FGGY: variants seen among roughly 807,000 people sequenced by gnomAD.
FGGY encodes FGGY carbohydrate kinase domain containing.
A neutral mutation model predicts 71.3 loss-of-function variants in FGGY; 72 were observed. That is an observed-to-expected ratio of 1.01 (90% CI 0.84 to 1.23). The LOEUF is 1.23. Among genes scored for constraint, FGGY ranks in the 50% most tolerant of loss-of-function variants. The pLI is 0.00. For missense variants in FGGY, 668 were observed against 682.3 expected, an observed-to-expected ratio of 0.98 and a Z score of 0.23; for synonymous variants, 251 against 250.3, an observed-to-expected ratio of 1.00 and a Z score of -0.02.
intron 6 of FGGY, among the ~76,000 whole-genome samples, chr1:59,484,200 C>G (rs944758100): frequency 1.4e-4 from 22 of 152,186 alleles, no homozygotes; most frequent in Non-Finnish European, 2.9e-4. Context: ...TCCAAAATCT[C>G]ATGCTTTTTA....
intron 5 of FGGY, among the ~76,000 whole-genome samples, chr1:59,451,801 T>C (rs879682092): frequency 1.3e-5 from 2 of 152,152 alleles, no homozygotes; most frequent in African/African-American, 2.4e-5. Context: ...AATCAGTTTC[T>C]CGTAATAGTT....
intron 14 of FGGY, among the ~76,000 whole-genome samples, chr1:59,691,724 T>C (rs1471987396): frequency 6.6e-6 from 1 of 151,982 alleles, no homozygotes; most frequent in Admixed American, 6.6e-5. Context: ...TGAATTCTTC[T>C]TGGTACTTAC....
intron 14 of FGGY, among the ~76,000 whole-genome samples, chr1:59,736,555 G>A (rs112078228): frequency 0.01 from 1,550 of 152,246 alleles, 33 homozygotes; most frequent in African/African-American, 0.035. Context: ...CTCTTGTTAC[G>A]TTTCAGCAAA....
intron 6 of FGGY, among the ~76,000 whole-genome samples, chr1:59,504,920 A>T (rs2094337909): frequency 6.6e-6 from 1 of 152,240 alleles, no homozygotes; most frequent in African/African-American, 2.4e-5. Context: ...CTGAGAACTT[A>T]TGTTCTAGAC....
chr1:59,524,258 C>T (rs887002185), intron 7 of FGGY, among the ~76,000 whole-genome samples: 14 of 152,318 alleles, frequency 9.2e-5, no homozygotes, highest in African/African-American at 2.4e-4. Flanking sequence ...GGACCTTGGG[C>T]GCCAACGAGC....
At chr1:59,568,299 A>T in intron 8 of FGGY, among the ~76,000 whole-genome samples, 1 of 152,132 alleles carries the variant, frequency 6.6e-6, no homozygotes, top group Non-Finnish European at 1.5e-5. Context: ...TCTTGAAAAG[A>T]GCCTGTGCTC....
At chr1:59,504,514 G>A (rs534714367) in intron 6 of FGGY, among the ~76,000 whole-genome samples, 71 of 152,314 alleles carry the variant, frequency 4.7e-4, no homozygotes, top group African/African-American at 1.7e-3. Context: ...TCCAGCTGGC[G>A]TCTGCTACAG....
chr1:59,713,093 G>A (rs1334486895), intron 14 of FGGY, among the ~76,000 whole-genome samples: 1 of 152,102 alleles, frequency 6.6e-6, no homozygotes, highest in Non-Finnish European at 1.5e-5. Context: ...CAAGTTCAAG[G>A]TTTTACAAAT....
intron 8 of FGGY, among the ~76,000 whole-genome samples, chr1:59,565,583 C>G (rs977031091): frequency 2.0e-5 from 3 of 152,134 alleles, no homozygotes; most frequent in African/African-American, 4.8e-5. Flanking sequence ...CGCGCCTGGC[C>G]GTAAGTCTTA....
chr1:59,605,739 T>C (rs2153814653), intron 8 of FGGY, among the ~76,000 whole-genome samples: 1 of 152,286 alleles, frequency 6.6e-6, no homozygotes, highest in Admixed American at 6.5e-5. Flanking sequence ...ATCACTTGTT[T>C]AGTAAAGAGA....
chr1:59,455,187 G>A (rs2091563872), intron 5 of FGGY, among the ~76,000 whole-genome samples: 1 of 152,164 alleles, frequency 6.6e-6, no homozygotes, highest in Non-Finnish European at 1.5e-5. Context: ...GAAATGAATG[G>A]GCAAAGACAG....
intron 14 of FGGY, among the ~76,000 whole-genome samples, chr1:59,722,143 T>C (rs1014145079): frequency 4.6e-5 from 7 of 151,236 alleles, no homozygotes; most frequent in South Asian, 2.1e-4. Flanking sequence ...CTTTGTAGTA[T>C]GTCCTTCAGT....
chr1:59,419,505 C>T (rs2065046886), intron 5 of FGGY, among the ~76,000 whole-genome samples: 1 of 152,122 alleles, frequency 6.6e-6, no homozygotes, highest in South Asian at 2.1e-4. Flanking sequence ...CCAGGGGAAT[C>T]ACCCTGGAAA....
At chr1:59,426,154 G>T (rs2066331352) in intron 5 of FGGY, among the ~76,000 whole-genome samples, 1 of 152,160 alleles carries the variant, frequency 6.6e-6, no homozygotes, top group African/African-American at 2.4e-5. Context: ...TTCTACCTGA[G>T]CTTCCAGCAC....
chr1:59,492,288 A>T (rs1312535393), intron 6 of FGGY, among the ~76,000 whole-genome samples: 1 of 152,140 alleles, frequency 6.6e-6, no homozygotes, highest in East Asian at 1.9e-4. Flanking sequence ...GGCTCTCTTC[A>T]GATGATAAGG....
intron 8 of FGGY, among the ~76,000 whole-genome samples, chr1:59,603,613 T>C (rs1213398212): frequency 6.6e-6 from 1 of 152,208 alleles, no homozygotes; most frequent in Non-Finnish European, 1.5e-5. Context: ...AAGGCTACCT[T>C]ACGTAAGATC....
intron 13 of FGGY, among the ~76,000 whole-genome samples, chr1:59,670,344 T>C (rs919651999): frequency 1.3e-5 from 2 of 152,234 alleles, no homozygotes; most frequent in African/African-American, 4.8e-5. Flanking sequence ...AAACATTGTA[T>C]TGCTCTAGTT....
intron 8 of FGGY, among the ~76,000 whole-genome samples, chr1:59,576,055 T>C (rs2096070222): frequency 6.6e-6 from 1 of 152,186 alleles, no homozygotes; most frequent in Non-Finnish European, 1.5e-5. Flanking sequence ...CCTCTGGTAT[T>C]ATGCTGAACA....
At chr1:59,353,167 G>A (rs142415845) in intron 4 of FGGY, among the ~76,000 whole-genome samples, 138 of 152,244 alleles carry the variant, frequency 9.1e-4, no homozygotes, top group African/African-American at 3.2e-3. Flanking sequence ...TCAGTGTGCT[G>A]AGCTATAAAA....
Sources: gnomAD v4.1 joint callset for allele counts (sites outside exome capture counted in the v4.1 genomes callset) on GRCh38, gnomAD v4.1.1 for gene constraint, MANE v1.5 for transcripts, NCBI Gene and HGNC (gene_info 2026-07-23, HGNC 2026-07-21) for gene names.